The following MED28 variants were observed in gnomAD, a reference collection of about 807,000 sequenced individuals.
The protein encoded by MED28 is mediator complex subunit 28.
A neutral mutation model predicts 21.3 loss-of-function variants in MED28; 26 were observed. The ratio of observed to expected loss-of-function variants is 1.22; its 90% CI spans 0.89 to 1.69. The LOEUF (loss-of-function observed/expected upper bound fraction) is 1.69, where lower values mean the gene tolerates loss of function less well. MED28 is among the 40% of genes most tolerant of loss of function. The pLI is 0.00. For missense variants in MED28, 257 were observed against 215.4 expected, an observed-to-expected ratio of 1.19 and a Z score of -1.21; for synonymous variants, 110 against 87.6, an observed-to-expected ratio of 1.26 and a Z score of -1.43.
At position 17,625,102 on chromosome 4, in the gene MED28, C is replaced by G. The variant is rs1577234176; in HGVS notation, c.*1304C>G. On this transcript the variant is annotated 3_prime_UTR_variant, in exon 4 of 4. Transcript: ENST00000237380. ...GCCTGATCCCTGAAGCCTCCCAGCA[C>G]CCATTCAGTTGCATCCCCAGGGCAC... 2 of 152,502 alleles carry G rather than the reference C, an allele frequency of 1.3e-5. No homozygotes were observed. The highest frequency in any genetic ancestry group is 4.8e-5 in the African/African-American group (2 of 41,532). 9.4% of individuals were successfully genotyped at this position (152,502 alleles called of 1,614,324 possible).
intron 1 of MED28, among the ~76,000 whole-genome samples, chr4:17,616,880 G>A (rs764115672): frequency 6.6e-6 from 1 of 152,176 alleles, no homozygotes; most frequent in Admixed American, 6.5e-5. Context: ...AGAACTCCTT[G>A]CCTGATTCAC....
chr4:17,618,792 G>A (rs1165730536), intron 1 of MED28, among the ~76,000 whole-genome samples: 3 of 152,048 alleles, frequency 2.0e-5, no homozygotes, highest in African/African-American at 7.2e-5. Context: ...GCCTGCGTGG[G>A]CCTCCCAAAA....
chr4:17,624,221 G>A lies in MED28; in HGVS notation c.*423G>A, dbSNP rs778706208. The stretch of plus-strand genomic sequence containing the variant: ...TCGTAGGCCTTATGATAATTACCCC[G>A]CGGTGGTGTGTAGAAAAGTATGTAA... On this transcript the variant is annotated 3_prime_UTR_variant, in exon 4 of 4. Transcript: ENST00000237380. 5.4e-6 allele frequency: 1 copy of A among 184,554 alleles called. No individual in the cohort carries two copies. Among genetic ancestry groups the A allele is most frequent in the African/African-American group, 2.4e-5 (1 of 42,320 alleles). 11.4% of individuals were successfully genotyped at this position (184,554 alleles called of 1,614,324 possible).
rs890589333 is a variant in MED28 at position 17,624,147 on chromosome 4, C to G, written c.*349C>G. ...TATGTGTGTTTCCTGTAGTTTGATC[C>G]GAAGGAAAAGAGTATAGTAGCCTGA... On this transcript the variant is annotated 3_prime_UTR_variant, in exon 4 of 4. Transcript: ENST00000237380. 1 of 270,224 alleles carries G rather than the reference C, an allele frequency of 3.7e-6. No homozygotes were observed. The highest frequency in any genetic ancestry group is 5.0e-5 in the Admixed American group (1 of 20,158). The allele number at this position is 270,224 out of a possible 1,614,324, so 16.7% of individuals were successfully genotyped here.
In MED28 at chr4:17,626,130, G is replaced by T; in HGVS notation, c.*2332G>T. The T allele has an allele frequency of 6.5e-6, 1 of 154,738 alleles. No individual in the cohort carries two copies. The highest frequency in any genetic ancestry group is 1.4e-5 in the Non-Finnish European group (1 of 69,956). The allele number at this position is 154,738 out of a possible 1,614,324, so 9.6% of individuals were successfully genotyped here. Reference sequence around the variant, plus strand: ...CTCACGCCTGTAATCCCAGCACTTTGGGGGGCTGAGGCAGGAGAATCGCTT... The same window carrying T: ...CTCACGCCTGTAATCCCAGCACTTTTGGGGGCTGAGGCAGGAGAATCGCTT... On this transcript the variant is annotated 3_prime_UTR_variant, in exon 4 of 4. Coordinates refer to ENST00000237380, the MANE Select transcript of MED28 (RefSeq NM_025205.5).
rs1488336478 is a variant in MED28, at chr4:17,630,752, G to GTAAGT, written c.*6956_*6960dup. On this transcript the variant is annotated 3_prime_UTR_variant, in exon 4 of 4. Coordinates refer to ENST00000237380, the MANE Select transcript of MED28 (RefSeq NM_025205.5). ...TAGGCAGTAAATTTACCTTTAATAC[G>GTAAGT]TAAGTTTGACAGTTATATGTAATCA... 6.6e-6 allele frequency: 1 copy of GTAAGT among 150,446 alleles called. No individual in the cohort carries two copies. Among genetic ancestry groups the GTAAGT allele is most frequent in the Non-Finnish European group, 1.5e-5 (1 of 67,764 alleles). 9.3% of individuals were successfully genotyped at this position (150,446 alleles called of 1,614,324 possible). A position where few individuals can be genotyped will look rare whatever the true frequency, so the allele number is the denominator to read the frequency against.
In MED28 at chr4:17,630,003, T is replaced by C. The variant is rs775250064; in HGVS notation, c.*6205T>C. 4.6e-5 allele frequency: 7 copies of C among 152,174 alleles called. No homozygotes were observed. The highest frequency in any genetic ancestry group is 2.1e-4 in the South Asian group (1 of 4,830). 9.4% of individuals were successfully genotyped at this position (152,174 alleles called of 1,614,324 possible). A position where few individuals can be genotyped will look rare whatever the true frequency, so the allele number is the denominator to read the frequency against. On this transcript the variant is annotated 3_prime_UTR_variant, in exon 4 of 4. Coordinates refer to ENST00000237380, the MANE Select transcript of MED28 (RefSeq NM_025205.5). ...TGCAAAGATTTTGTTAACAAAGATA[T>C]AATCATTGCAGGGTAGAATTTAGAA... is the stretch of plus-strand genomic sequence containing the variant.
intron 1 of MED28, among the ~76,000 whole-genome samples, chr4:17,617,139 G>T (rs1577230583): frequency 6.6e-6 from 1 of 152,356 alleles, no homozygotes; most frequent in East Asian, 1.9e-4. Context: ...TTAGCCAGGT[G>T]AAGGGGAGTG....
chr4:17,620,622 C>T lies in MED28; in HGVS notation c.226+655C>T, dbSNP rs143908112. ...TATCGGGATTACAGGCGTGAGCCACCGTGCCCGGCCTTATATGTGCCATTT... is the reference window on the plus strand; with the variant it reads ...TATCGGGATTACAGGCGTGAGCCACTGTGCCCGGCCTTATATGTGCCATTT... On this transcript the variant is annotated intron_variant, in intron 2 of 3. Transcript: ENST00000237380. 2.8e-3 allele frequency among the ~76,000 whole-genome samples: 424 copies of T among 152,070 alleles called. 3 individuals are homozygous for T. Among genetic ancestry groups the T allele is most frequent in the African/African-American group, 8.3e-3 (344 of 41,470 alleles).
intron 1 of MED28, among the ~76,000 whole-genome samples, chr4:17,619,554 C>T (rs1316327457): frequency 1.3e-5 from 2 of 152,064 alleles, no homozygotes; most frequent in South Asian, 2.1e-4. Context: ...GTCCTGAGTC[C>T]TGAATGGGTG....
In MED28 at chr4:17,627,697, T is replaced by A. The variant is rs1714803808; in HGVS notation, c.*3899T>A. ...ATTTCTGCCCGACACAGGCCTCCTC[T>A]AATGAGCAGTCTGAGGCCAGGCACA... On this transcript the variant is annotated 3_prime_UTR_variant, in exon 4 of 4. Coordinates refer to ENST00000237380, the MANE Select transcript of MED28 (RefSeq NM_025205.5). 6.6e-6 allele frequency: 1 copy of A among 152,434 alleles called. No individual in the cohort carries two copies. The highest frequency in any genetic ancestry group is 2.4e-5 in the African/African-American group (1 of 41,424). The allele number at this position is 152,434 out of a possible 1,614,324, so 9.4% of individuals were successfully genotyped here.
intron 3 of MED28, among the ~76,000 whole-genome samples, 185 bp from the exon 4 acceptor site, chr4:17,623,414 AAG>A (rs1491007832): frequency 6.6e-6 from 1 of 151,672 alleles, no homozygotes; most frequent in Non-Finnish European, 1.5e-5. Context: ...AAAAAAAAAA[AAG>A]CCCATAAAAA....
In MED28 at chr4:17,625,956, A is replaced by G; in HGVS notation, c.*2158A>G. 1 of 180,590 alleles carries G rather than the reference A, an allele frequency of 5.5e-6. No homozygotes were observed. The highest frequency in any genetic ancestry group is 1.2e-5 in the Non-Finnish European group (1 of 85,624). The allele number at this position is 180,590 out of a possible 1,614,324, so 11.2% of individuals were successfully genotyped here. On this transcript the variant is annotated 3_prime_UTR_variant, in exon 4 of 4. Coordinates refer to ENST00000237380, the MANE Select transcript of MED28 (RefSeq NM_025205.5). ...ACACATTTTGTAAATGATCCCATTCAGTCTTCTAGAAGCCTTATAACAGAA... is the reference window on the plus strand; with the variant it reads ...ACACATTTTGTAAATGATCCCATTCGGTCTTCTAGAAGCCTTATAACAGAA...
chr4:17,618,092 A>C (rs1384768072), intron 1 of MED28, among the ~76,000 whole-genome samples: 9 of 143,940 alleles, frequency 6.3e-5, no homozygotes, highest in South Asian at 4.5e-4. Context: ...GGTCACTGCA[A>C]CCTCCACTTC....
rs1315137942 is a variant in MED28, at chr4:17,632,592, T to G, written c.*8794T>G. On this transcript the variant is annotated 3_prime_UTR_variant, in exon 4 of 4. Transcript: ENST00000237380. ...GCGGAGAGCCCTGTTTCTGCTGGAC[T>G]TCTTTGGCTTGGGCCGTTTCACCAT... The G allele has an allele frequency of 6.4e-7, 1 of 1,551,326 alleles. No individual in the cohort carries two copies. The highest frequency in any genetic ancestry group is 1.2e-5 in the South Asian group (1 of 84,046).
intron 2 of MED28, among the ~76,000 whole-genome samples, chr4:17,620,698 T>C (rs886947852): frequency 3.4e-5 from 5 of 147,256 alleles, no homozygotes; most frequent in Admixed American, 1.4e-4. Flanking sequence ...GTCTCTTTTT[T>C]TTTTTTTTTT....
At chr4:17,623,463 G>A in intron 3 of MED28, 138 bp from the exon 4 acceptor site, 1 of 737,552 alleles carries the variant, frequency 1.4e-6, no homozygotes, top group Non-Finnish European at 2.3e-6. Context: ...TAATCAAATA[G>A]TGGAGCCAAG....
intron 2 of MED28, among the ~76,000 whole-genome samples, chr4:17,621,018 G>GTTT (rs10679446): frequency 0.53 from 69,062 of 130,436 alleles, 20,236 homozygotes; most frequent in East Asian, 0.87. Flanking sequence ...TCTGCCTTGT[G>GTTT]TTTTTTTTTT....
chr4:17,633,995 AAGC>A lies in MED28; in HGVS notation c.*10199_*10201del. 2 of 891,990 alleles carry A rather than the reference AAGC, an allele frequency of 2.2e-6. No individual in the cohort carries two copies. The highest frequency in any genetic ancestry group is 3.1e-6 in the Non-Finnish European group (2 of 645,608). The allele number at this position is 891,990 out of a possible 1,614,324, so 55.3% of individuals were successfully genotyped here. A position where few individuals can be genotyped will look rare whatever the true frequency, so the allele number is the denominator to read the frequency against. On this transcript the variant is annotated 3_prime_UTR_variant, in exon 4 of 4. Transcript: ENST00000237380. ...CCCAATCAAAATTGTATCGGAGAAG[AAGC>A]AACAATTTCATTTATACACTTACAT...
Sources: allele counts gnomAD v4.1 joint callset (sites outside exome capture counted in the v4.1 genomes callset), GRCh38; gene constraint gnomAD v4.1.1; transcripts MANE v1.5; gene names NCBI Gene and HGNC (gene_info 2026-07-23, HGNC 2026-07-21).